WDFY2: variants seen among roughly 807,000 people sequenced by gnomAD.
The protein encoded by WDFY2 is WD repeat and FYVE domain-containing protein 2.
A neutral mutation model predicts 56.4 loss-of-function variants in WDFY2; 36 were observed. That is an observed-to-expected ratio of 0.64 (90% CI 0.49 to 0.84). The LOEUF is 0.84. Ranked by LOEUF, WDFY2 falls within the 40% of genes least tolerant of loss-of-function variation. The pLI is 0.00. For missense variants in WDFY2, 444 were observed against 512.2 expected, an observed-to-expected ratio of 0.87 and a Z score of 1.29; for synonymous variants, 176 against 183.7, an observed-to-expected ratio of 0.96 and a Z score of 0.34.
intron 1 of WDFY2, among the ~76,000 whole-genome samples, chr13:51,597,149 G>A (rs1204130867): frequency 6.6e-6 from 1 of 152,090 alleles, no homozygotes; most frequent in Non-Finnish European, 1.5e-5. Flanking sequence ...TATTGAATTA[G>A]TGGAAGTATA....
chr13:51,675,025 A>G, intron 2 of WDFY2, 145 bp from the exon 3 acceptor site: 2 of 664,946 alleles, frequency 3.0e-6, no homozygotes, highest in South Asian at 3.7e-5. Context: ...TACTGTTTTT[A>G]TTTTTTGGTG....
At chr13:51,731,955 A>G (rs1475377260) in intron 6 of WDFY2, among the ~76,000 whole-genome samples, 1 of 152,194 alleles carries the variant, frequency 6.6e-6, no homozygotes, top group East Asian at 1.9e-4. Context: ...CAAAGGCCAA[A>G]GCATAACATT....
chr13:51,607,825 G>A (rs1329803408), intron 1 of WDFY2, among the ~76,000 whole-genome samples: 3 of 152,148 alleles, frequency 2.0e-5, no homozygotes, highest in Non-Finnish European at 2.9e-5. Flanking sequence ...CTGTGATTAT[G>A]TTACATGTAA....
At chr13:51,758,092 T>C in intron 10 of WDFY2, 100 bp from the exon 11 acceptor site, 1 of 749,208 alleles carries the variant, frequency 1.3e-6, no homozygotes. Flanking sequence ...GAAGCAGTTT[T>C]AGCCACGAGG....
intron 2 of WDFY2, among the ~76,000 whole-genome samples, chr13:51,664,124 C>T (rs916238555): frequency 2.0e-5 from 3 of 152,098 alleles, no homozygotes; most frequent in Non-Finnish European, 4.4e-5. Flanking sequence ...AGGAAACCAG[C>T]TTAAAAGGCA....
chr13:51,707,939 CTTTTTTTT>C (rs56054205), intron 4 of WDFY2, among the ~76,000 whole-genome samples: 12 of 57,564 alleles, frequency 2.1e-4, no homozygotes, highest in Middle Eastern at 0.021. Flanking sequence ...CCTAAAACAA[CTTTTTTTT>C]TTTTTTTTTT....
chr13:51,702,785 A>G (rs1483739639), intron 3 of WDFY2, among the ~76,000 whole-genome samples: 1 of 152,186 alleles, frequency 6.6e-6, no homozygotes, highest in East Asian at 1.9e-4. Flanking sequence ...GAAGGCATCA[A>G]TTTATTATAC....
chr13:51,588,562 G>A (rs1953986983), intron 1 of WDFY2: 1 of 152,124 alleles, frequency 6.6e-6, no homozygotes, highest in African/African-American at 2.4e-5. Context: ...TCCTGCTTGT[G>A]GTGGTTAGAG....
intron 3 of WDFY2, among the ~76,000 whole-genome samples, chr13:51,687,875 TATATGAAAGGAG>T (rs1366273241): frequency 2.0e-5 from 3 of 152,212 alleles, no homozygotes; most frequent in East Asian, 3.9e-4. Context: ...CTGAGGTGAT[TATATGAAAGGAG>T]ACCATTCAGA....
intron 1 of WDFY2, chr13:51,598,702 G>A (rs909425031): frequency 2.8e-4 from 42 of 152,136 alleles, no homozygotes; most frequent in African/African-American, 9.4e-4. Flanking sequence ...TGGTTATGCC[G>A]GAGAATTTTG....
At chr13:51,753,182 G>A (rs1235874746) in intron 8 of WDFY2, 2 of 152,236 alleles carry the variant, frequency 1.3e-5, no homozygotes, top group East Asian at 1.9e-4. Flanking sequence ...GGAGCACATG[G>A]GCTTTGCAGG....
chr13:51,612,049 A>G (rs1241631823), intron 1 of WDFY2, among the ~76,000 whole-genome samples: 1 of 152,158 alleles, frequency 6.6e-6, no homozygotes, highest in Non-Finnish European at 1.5e-5. Context: ...CTTACCAGAC[A>G]ATACATTTTC....
At position 51,760,491 on chromosome 13, in the gene WDFY2, T is replaced by C. The variant is rs1446034100; in HGVS notation, c.*722T>C. ...GCTGTGAGAAAGCTGCTCCCAACCA[T>C]GGTTATCACAGAAGTAGATTATTTT... On this transcript the variant is annotated 3_prime_UTR_variant, in exon 12 of 12. Coordinates refer to ENST00000298125, the MANE Select transcript of WDFY2 (RefSeq NM_052950.4). 6.6e-6 allele frequency: 1 copy of C among 152,060 alleles called. No individual in the cohort carries two copies. The highest frequency in any genetic ancestry group is 1.5e-5 in the Non-Finnish European group (1 of 68,024). The allele number at this position is 152,060 out of a possible 1,614,324, so 9.4% of individuals were successfully genotyped here.
chr13:51,661,349 A>G (rs1955609390), intron 2 of WDFY2, among the ~76,000 whole-genome samples: 1 of 152,202 alleles, frequency 6.6e-6, no homozygotes, highest in Non-Finnish European at 1.5e-5. Context: ...ATCCTATCCC[A>G]TGTTTATTTT....
intron 1 of WDFY2, among the ~76,000 whole-genome samples, chr13:51,622,071 G>C (rs1420087895): frequency 6.6e-6 from 1 of 152,114 alleles, no homozygotes; most frequent in African/African-American, 2.4e-5. Flanking sequence ...ATTATATTTT[G>C]GGTTTATAAA....
intron 1 of WDFY2, 62 bp from the exon 2 acceptor site, chr13:51,660,534 A>C: frequency 1.5e-5 from 22 of 1,513,280 alleles, no homozygotes; most frequent in Non-Finnish European, 2.0e-5. Context: ...TTTTCTATGT[A>C]TCAGCATTTT....
chr13:51,628,915 C>T (rs886418804), intron 1 of WDFY2, among the ~76,000 whole-genome samples: 1 of 152,182 alleles, frequency 6.6e-6, no homozygotes, highest in Non-Finnish European at 1.5e-5. Flanking sequence ...TATTTGTATG[C>T]TCTGTGGGAC....
chr13:51,737,550 TTAAAAAAAAAA>T (rs1328975740), intron 6 of WDFY2, among the ~76,000 whole-genome samples: 1 of 49,574 alleles, frequency 2.0e-5, no homozygotes, highest in African/African-American at 9.0e-5. Context: ...GACAATGAAT[TTAAAAAAAAAA>T]AAAAAAAAAA....
intron 1 of WDFY2, among the ~76,000 whole-genome samples, chr13:51,632,968 G>C (rs1422461573): frequency 6.6e-6 from 1 of 152,174 alleles, no homozygotes; most frequent in Non-Finnish European, 1.5e-5. Context: ...AAAAACGTTA[G>C]ATTTACTGTG....
Sources: gnomAD v4.1 joint callset for allele counts (sites outside exome capture counted in the v4.1 genomes callset) on GRCh38, gnomAD v4.1.1 for gene constraint, MANE v1.5 for transcripts, NCBI Gene and HGNC (gene_info 2026-07-23, HGNC 2026-07-21) for gene names.